The following DENND5B variants were observed in gnomAD, a reference collection of about 807,000 sequenced individuals.
DENND5B encodes DENN domain-containing protein 5B.
A neutral mutation model predicts 140.6 loss-of-function variants in DENND5B; 34 were observed. That is an observed-to-expected ratio of 0.24 (90% CI 0.18 to 0.32). DENND5B has a LOEUF of 0.32. DENND5B is among the 10% of genes least tolerant of loss of function. The pLI is 1.00. For missense variants in DENND5B, 1,142 were observed against 1,560.2 expected, an observed-to-expected ratio of 0.73 and a Z score of 4.52; for synonymous variants, 551 against 562.1, an observed-to-expected ratio of 0.98 and a Z score of 0.28.
intron 1 of DENND5B, among the ~76,000 whole-genome samples, chr12:31,554,162 T>C (rs1255165840): frequency 2.0e-5 from 3 of 152,232 alleles, no homozygotes; most frequent in Non-Finnish European, 4.4e-5. Flanking sequence ...CTAGCCTTGA[T>C]GGTCTTTACA....
intron 11 of DENND5B, chr12:31,420,163 G>T: frequency 2.7e-6 from 2 of 731,056 alleles, no homozygotes; most frequent in Non-Finnish European, 3.3e-6. Context: ...GTCTTGCTCT[G>T]TCACCCAAGC....
chr12:31,491,231 T>A (rs1946514281), intron 2 of DENND5B, among the ~76,000 whole-genome samples: 1 of 152,060 alleles, frequency 6.6e-6, no homozygotes, highest in Non-Finnish European at 1.5e-5. Context: ...GGCGGGCAGA[T>A]CACTTGAGGC....
chr12:31,570,209 C>A lies in DENND5B; in HGVS notation c.127+20497G>T, dbSNP rs572387950. Among the ~76,000 whole-genome samples, 481 of 150,138 alleles carry A rather than the reference C, an allele frequency of 3.2e-3. 6 individuals are homozygous for A. Among genetic ancestry groups the A allele is most frequent in the Middle Eastern group, 0.024 (7 of 292 alleles). ...ATACTCCATCTCAAAAACAAACAAA[C>A]AAAAAAACCAAGAGAAAAAAATTAT... is the stretch of plus-strand genomic sequence containing the variant. On this transcript the variant is annotated intron_variant, in intron 1 of 20. Transcript: ENST00000389082.
At chr12:31,450,339 A>AT (rs1944457931) in intron 5 of DENND5B, among the ~76,000 whole-genome samples, 1 of 148,712 alleles carries the variant, frequency 6.7e-6, no homozygotes. Context: ...CAACAGAAAA[A>AT]ATATCTGATG....
intron 8 of DENND5B, among the ~76,000 whole-genome samples, chr12:31,428,061 G>C (rs1340343006): frequency 2.0e-5 from 3 of 152,044 alleles, no homozygotes; most frequent in Non-Finnish European, 2.9e-5. Flanking sequence ...TTTTTTTCCA[G>C]TCCAATCATT....
intron 1 of DENND5B, among the ~76,000 whole-genome samples, chr12:31,578,823 T>C (rs1418464216): frequency 6.6e-6 from 1 of 152,198 alleles, no homozygotes; most frequent in Non-Finnish European, 1.5e-5. Context: ...CAGCCTGGGA[T>C]GGAATCCAAG....
At chr12:31,496,014 G>A (rs4931507) in intron 1 of DENND5B, 95 bp from the exon 2 acceptor site, 404,964 of 771,138 alleles carry the variant, frequency 0.53, 109,832 homozygotes, top group East Asian at 0.85. Context: ...GACTGATAAT[G>A]TTGAGATCTG....
chr12:31,547,960 C>G (rs1948917998), intron 1 of DENND5B, among the ~76,000 whole-genome samples: 1 of 152,160 alleles, frequency 6.6e-6, no homozygotes, highest in Non-Finnish European at 1.5e-5. Flanking sequence ...CCAACCTCGG[C>G]TTCCCAAAGT....
intron 1 of DENND5B, among the ~76,000 whole-genome samples, chr12:31,587,703 C>A (rs1415182177): frequency 6.6e-6 from 1 of 152,046 alleles, no homozygotes; most frequent in Non-Finnish European, 1.5e-5. Flanking sequence ...GCATGTGCCA[C>A]CACGCCCAGC....
At chr12:31,576,404 C>T (rs6487995) in intron 1 of DENND5B, among the ~76,000 whole-genome samples, 61,347 of 150,084 alleles carry the variant, frequency 0.41, 12,924 homozygotes, top group East Asian at 0.58. Flanking sequence ...TGCAGTGAGC[C>T]GTGATCATGC....
At chr12:31,397,717 G>T (rs1941560901) in intron 17 of DENND5B, among the ~76,000 whole-genome samples, 1 of 151,780 alleles carries the variant, frequency 6.6e-6, no homozygotes, top group Admixed American at 6.6e-5. Context: ...CTTGAGCTCA[G>T]AAGTTCAAGA....
At chr12:31,424,419 T>A in intron 10 of DENND5B, 116 bp downstream of exon 10, 1 of 1,311,956 alleles carries the variant, frequency 7.6e-7, no homozygotes, top group Non-Finnish European at 1.0e-6. Context: ...GGCATTTTTC[T>A]AGTCCCCTTG....
intron 2 of DENND5B, among the ~76,000 whole-genome samples, chr12:31,485,167 A>G (rs1453758501): frequency 6.6e-6 from 1 of 152,236 alleles, no homozygotes; most frequent in East Asian, 1.9e-4. Context: ...ACTGGTCAAC[A>G]GAAAGGGCCC....
At chr12:31,512,468 G>A (rs1947465336) in intron 1 of DENND5B, among the ~76,000 whole-genome samples, 1 of 151,658 alleles carries the variant, frequency 6.6e-6, no homozygotes, top group Non-Finnish European at 1.5e-5. Flanking sequence ...CTGGGCTCAA[G>A]GGATCCTCCC....
At chr12:31,444,845 T>C (rs1281487314) in intron 6 of DENND5B, among the ~76,000 whole-genome samples, 1 of 152,212 alleles carries the variant, frequency 6.6e-6, no homozygotes, top group Non-Finnish European at 1.5e-5. Context: ...CATAGGTAAT[T>C]GCCACTTCCT....
chr12:31,450,211 C>T (rs1478963376), intron 5 of DENND5B, among the ~76,000 whole-genome samples: 1 of 152,156 alleles, frequency 6.6e-6, no homozygotes, highest in Non-Finnish European at 1.5e-5. Context: ...GCTTTTCATG[C>T]TCATGTGTGA....
In DENND5B at chr12:31,563,808, T is replaced by TA. The variant is rs1436454367; in HGVS notation, c.127+26897_127+26898insT. On this transcript the variant is annotated intron_variant, in intron 1 of 20. Transcript: ENST00000389082. The stretch of plus-strand genomic sequence containing the variant: ...ACTTTTAATCATATGCTCTCTAAAT[T>TA]TAAAAAAAACTTCTTTAATGAAAGT... Among the ~76,000 whole-genome samples the TA allele has an allele frequency of 1.5e-4, 23 of 151,822 alleles. 1 individual carries two copies. Among genetic ancestry groups the TA allele is most frequent in the East Asian group, 1.4e-3 (7 of 5,182 alleles).
At chr12:31,565,447 T>C (rs2060646028) in intron 1 of DENND5B, among the ~76,000 whole-genome samples, 1 of 152,238 alleles carries the variant, frequency 6.6e-6, no homozygotes, top group Non-Finnish European at 1.5e-5. Context: ...CTTGCTTATG[T>C]GGATGCCTCT....
intron 1 of DENND5B, among the ~76,000 whole-genome samples, chr12:31,552,066 T>C (rs1949083608): frequency 3.3e-5 from 5 of 152,180 alleles, no homozygotes; most frequent in Admixed American, 2.0e-4. Flanking sequence ...TTCCTTCTCC[T>C]GCCTGATTGC....
Sources: allele counts gnomAD v4.1 joint callset (sites outside exome capture counted in the v4.1 genomes callset), GRCh38; gene constraint gnomAD v4.1.1; transcripts MANE v1.5; gene names NCBI Gene and HGNC (gene_info 2026-07-23, HGNC 2026-07-21).